FHIP1A: variants seen among roughly 807,000 people sequenced by gnomAD.
FHIP1A encodes the protein FHF complex subunit HOOK interacting protein 1A, also known as FHF complex subunit HOOK-interacting protein 1A.
In FHIP1A, 61 loss-of-function variants were observed where a neutral mutation model predicts 88.6. The observed-to-expected ratio is 0.69, with a 90% CI of 0.56 to 0.85. The LOEUF (loss-of-function observed/expected upper bound fraction) is 0.85. Among genes scored for constraint, FHIP1A ranks in the 40% least tolerant of loss-of-function variants. The pLI is 0.00. For synonymous variants in FHIP1A, 478 were observed against 496.0 expected (o/e 0.96, Z 0.48); for missense variants, 1,154 against 1,273.5 (o/e 0.91, Z 1.43).
intron 3 of FHIP1A, among the ~76,000 whole-genome samples, chr4:151,490,827 A>C (rs1040860091): frequency 1.3e-5 from 2 of 152,288 alleles, no homozygotes; most frequent in South Asian, 4.1e-4. Context: ...TGGAAATGAA[A>C]GACCCACTTT....
At chr4:151,528,363 G>C (rs1473605054) in intron 3 of FHIP1A, among the ~76,000 whole-genome samples, 1 of 152,188 alleles carries the variant, frequency 6.6e-6, no homozygotes, top group Non-Finnish European at 1.5e-5. Flanking sequence ...GAAGTAGATA[G>C]CTATGAAATG....
intron 3 of FHIP1A, among the ~76,000 whole-genome samples, chr4:151,559,146 T>C (rs988553620): frequency 2.3e-4 from 35 of 152,166 alleles, no homozygotes; most frequent in African/African-American, 8.2e-4. Context: ...TAAGCTACTC[T>C]TTTATCCCTA....
intron 7 of FHIP1A, among the ~76,000 whole-genome samples, chr4:151,615,447 T>G (rs1735485762): frequency 6.6e-6 from 1 of 152,212 alleles, no homozygotes; most frequent in African/African-American, 2.4e-5. Context: ...GTAAAACATC[T>G]AATACAATAT....
intron 1 of FHIP1A, among the ~76,000 whole-genome samples, chr4:151,431,465 G>C (rs1301873978): frequency 6.6e-6 from 1 of 151,738 alleles, no homozygotes; most frequent in East Asian, 1.9e-4. Flanking sequence ...GTATTTAATA[G>C]GTACAGTTCA....
At chr4:151,631,846 A>C (rs1387345142) in intron 8 of FHIP1A, among the ~76,000 whole-genome samples, 1 of 152,186 alleles carries the variant, frequency 6.6e-6, no homozygotes, top group African/African-American at 2.4e-5. Flanking sequence ...TGCTTGCTTC[A>C]CATTACTTCT....
chr4:151,569,556 A>G (rs1733518311), intron 4 of FHIP1A, among the ~76,000 whole-genome samples: 1 of 152,170 alleles, frequency 6.6e-6, no homozygotes. Flanking sequence ...TGTCTTTAAA[A>G]AAAAAAAGGA....
intron 7 of FHIP1A, among the ~76,000 whole-genome samples, chr4:151,590,357 GTTA>G (rs1578790338): frequency 1.3e-5 from 2 of 152,178 alleles, no homozygotes; most frequent in South Asian, 4.2e-4. Context: ...GAAATTTTAT[GTTA>G]TTATGATTAG....
At chr4:151,421,212 A>G (rs1476844722) in intron 1 of FHIP1A, among the ~76,000 whole-genome samples, 1 of 152,194 alleles carries the variant, frequency 6.6e-6, no homozygotes, top group African/African-American at 2.4e-5. Flanking sequence ...AATATGGAAA[A>G]TGAGCTGTGT....
At chr4:151,629,968 C>CTT in intron 8 of FHIP1A, 99 bp downstream of exon 8, 3 of 950,046 alleles carry the variant, frequency 3.2e-6, no homozygotes, top group Non-Finnish European at 4.6e-6. Context: ...TTTTGCTCTC[C>CTT]TTTTTTTTTC....
chr4:151,449,641 A>AC (rs1728725809), intron 1 of FHIP1A, among the ~76,000 whole-genome samples: 1 of 151,980 alleles, frequency 6.6e-6, no homozygotes, highest in South Asian at 2.1e-4. Flanking sequence ...CTCCTGTCTA[A>AC]CTGTAACCTT....
chr4:151,595,216 G>A (rs1200409733), intron 7 of FHIP1A, among the ~76,000 whole-genome samples: 1 of 152,112 alleles, frequency 6.6e-6, no homozygotes, highest in Non-Finnish European at 1.5e-5. Context: ...AGAGATTTTG[G>A]TATGTTGTGT....
chr4:151,637,609 G>A (rs188529450), intron 8 of FHIP1A, among the ~76,000 whole-genome samples: 12 of 152,290 alleles, frequency 7.9e-5, no homozygotes, highest in African/African-American at 2.9e-4. Flanking sequence ...GGAAGTGTTG[G>A]ATGGTAATAT....
At chr4:151,565,817 A>C (rs933733223) in intron 3 of FHIP1A, among the ~76,000 whole-genome samples, 5 of 151,902 alleles carry the variant, frequency 3.3e-5, no homozygotes, top group African/African-American at 1.2e-4. Context: ...ATAGTTTCTT[A>C]CTTGATTCTA....
chr4:151,467,823 C>A (rs1051468557), intron 2 of FHIP1A, among the ~76,000 whole-genome samples: 6 of 151,914 alleles, frequency 3.9e-5, no homozygotes, highest in Non-Finnish European at 5.9e-5. Flanking sequence ...ACACCAGGAC[C>A]TGTCAGGGGG....
intron 1 of FHIP1A, among the ~76,000 whole-genome samples, chr4:151,445,849 A>AATAT (rs56199696): frequency 0.047 from 4,597 of 97,936 alleles, 413 homozygotes; most frequent in African/African-American, 0.085. Context: ...CATCTCTTAA[A>AATAT]ATATATATAT....
chr4:151,647,009 G>T (rs1736823103), intron 10 of FHIP1A, among the ~76,000 whole-genome samples: 1 of 152,190 alleles, frequency 6.6e-6, no homozygotes, highest in East Asian at 1.9e-4. Context: ...GAGTCAAAAT[G>T]TGAAAACGTG....
At chr4:151,550,137 C>T (rs62329088) in intron 3 of FHIP1A, among the ~76,000 whole-genome samples, 49,268 of 151,754 alleles carry the variant, frequency 0.32, 8,022 homozygotes, top group Non-Finnish European at 0.34. Flanking sequence ...TATGTATTTA[C>T]GGGGTACATG....
chr4:151,584,611 T>A (rs1327359234), intron 5 of FHIP1A, among the ~76,000 whole-genome samples: 2 of 152,066 alleles, frequency 1.3e-5, no homozygotes, highest in Admixed American at 1.3e-4. Context: ...AGCCCAGAGC[T>A]CTCTTTTAAG....
chr4:151,528,828 AT>A (rs1174982663), intron 3 of FHIP1A, among the ~76,000 whole-genome samples: 1 of 152,062 alleles, frequency 6.6e-6, no homozygotes, highest in African/African-American at 2.4e-5. Context: ...TTAGAATAAT[AT>A]TTTCCCCCCC....
Sources: gnomAD v4.1 joint callset for allele counts (sites outside exome capture counted in the v4.1 genomes callset) on GRCh38, gnomAD v4.1.1 for gene constraint, MANE v1.5 for transcripts, NCBI Gene and HGNC (gene_info 2026-07-23, HGNC 2026-07-21) for gene names.